The following CRTAC1 variants were observed in gnomAD, a reference collection of about 807,000 sequenced individuals.
The protein encoded by CRTAC1 is acidic secreted protein in cartilage.
A neutral mutation model predicts 67.8 loss-of-function variants in CRTAC1; 37 were observed. The observed-to-expected ratio is 0.55, with a 90% confidence interval of 0.42 to 0.72. CRTAC1 has a LOEUF of 0.72. Among genes scored for constraint, CRTAC1 ranks in the 30% least tolerant of loss-of-function variants. The pLI, the probability that CRTAC1 is intolerant of heterozygous loss-of-function variation, is 0.00. For synonymous variants in CRTAC1, 348 were observed against 371.0 expected (o/e 0.94, Z 0.71); for missense variants, 780 against 931.6 (o/e 0.84, Z 2.12).
Position 97,865,338 on chromosome 10 carries a change from C to T in CRTAC1, c.*210G>A, listed in dbSNP as rs1183966561. ...TGGAATGTAAGCGCCATCAGGGCAG[C>T]GACCCTGTCTGCTGTGATCACAGCT... is the stretch of plus-strand genomic sequence containing the variant. On this transcript the variant is annotated 3_prime_UTR_variant, in exon 15 of 15. Coordinates refer to ENST00000370597, the MANE Select transcript of CRTAC1 (RefSeq NM_018058.7). The T allele has an allele frequency of 1.6e-5, 8 of 505,102 alleles. No individual in the cohort carries two copies. Among genetic ancestry groups the T allele is most frequent in the African/African-American group, 3.8e-5 (2 of 52,266 alleles). 31.3% of individuals were successfully genotyped at this position (505,102 alleles called of 1,614,324 possible).
At chr10:97,908,285 G>T in intron 5 of CRTAC1, 138 bp from the exon 6 acceptor site, 1 of 838,148 alleles carries the variant, frequency 1.2e-6, no homozygotes, top group Non-Finnish European at 1.9e-6. Flanking sequence ...TGCTTCCCGT[G>T]CTTTCCTGAG....
intron 1 of CRTAC1, among the ~76,000 whole-genome samples, chr10:98,018,218 AAAAAAAAAAAAAAAGAG>A (rs1011823294): frequency 9.1e-5 from 13 of 142,272 alleles, no homozygotes; most frequent in South Asian, 8.8e-4. Context: ...AAAAAAAAAA[AAAAAAAAAAAAAAAGAG>A]AGAGAGAGAG....
chr10:97,937,169 G>A (rs143954867), intron 2 of CRTAC1, among the ~76,000 whole-genome samples: 4 of 152,240 alleles, frequency 2.6e-5, no homozygotes, highest in African/African-American at 4.8e-5. Context: ...ACTCTCCTGC[G>A]CCTGCAACTC....
At chr10:97,884,450 GAATTGAGCACTGTTCT>G in intron 11 of CRTAC1, 99 bp from the exon 12 acceptor site, 3 of 1,152,734 alleles carry the variant, frequency 2.6e-6, no homozygotes, top group Non-Finnish European at 3.7e-6. Flanking sequence ...ATAAAAGCAT[GAATTGAGCACTGTTCT>G]AAGTGCTAGG....
At chr10:97,957,835 G>A (rs1246521012) in intron 2 of CRTAC1, among the ~76,000 whole-genome samples, 4 of 152,154 alleles carry the variant, frequency 2.6e-5, no homozygotes, top group African/African-American at 9.7e-5. Flanking sequence ...ATGGGGAGTT[G>A]GGGGAGGAGA....
At chr10:97,983,955 A>C (rs544366472) in intron 2 of CRTAC1, among the ~76,000 whole-genome samples, 22 of 152,378 alleles carry the variant, frequency 1.4e-4, no homozygotes, top group African/African-American at 4.8e-4. Flanking sequence ...AGAAGCAAGG[A>C]AACATGATGC....
At chr10:97,901,450 C>G in intron 8 of CRTAC1, 53 bp downstream of exon 8, 2 of 1,611,482 alleles carry the variant, frequency 1.2e-6, no homozygotes, top group Non-Finnish European at 1.7e-6. Context: ...CCTGACCGTT[C>G]CTCCCACCAG....
At chr10:97,941,994 C>A (rs2051184306) in intron 2 of CRTAC1, among the ~76,000 whole-genome samples, 1 of 152,184 alleles carries the variant, frequency 6.6e-6, no homozygotes, top group South Asian at 2.1e-4. Flanking sequence ...TGCTTCCCAA[C>A]CCAGCACTCT....
intron 2 of CRTAC1, among the ~76,000 whole-genome samples, chr10:97,953,919 C>T (rs114200769): frequency 1.3e-3 from 191 of 152,242 alleles, no homozygotes; most frequent in South Asian, 4.1e-3. Flanking sequence ...TGATACTCCT[C>T]GGCAGGTGTG....
At chr10:97,980,854 G>A (rs148507113) in intron 2 of CRTAC1, among the ~76,000 whole-genome samples, 2 of 152,300 alleles carry the variant, frequency 1.3e-5, no homozygotes, top group East Asian at 3.9e-4. Flanking sequence ...TGCTATTCTT[G>A]GATGGAGAGC....
chr10:97,954,547 G>A (rs1385494997), intron 2 of CRTAC1, among the ~76,000 whole-genome samples: 1 of 152,218 alleles, frequency 6.6e-6, no homozygotes, highest in African/African-American at 2.4e-5. Flanking sequence ...ATGCAGGAAT[G>A]AGGAGGACAC....
intron 2 of CRTAC1, among the ~76,000 whole-genome samples, chr10:97,938,590 T>C (rs1417365290): frequency 6.6e-6 from 1 of 152,194 alleles, no homozygotes; most frequent in Non-Finnish European, 1.5e-5. Context: ...ATGCCAGCAC[T>C]CTCAGGCCTG....
chr10:97,927,582 C>T (rs931186662), intron 3 of CRTAC1, among the ~76,000 whole-genome samples: 6 of 152,210 alleles, frequency 3.9e-5, no homozygotes, highest in Non-Finnish European at 7.3e-5. Context: ...CTGTTGGCCT[C>T]TCCCCCTCTT....
At chr10:97,878,990 T>C (rs2050178161) in intron 14 of CRTAC1, among the ~76,000 whole-genome samples, 1 of 152,196 alleles carries the variant, frequency 6.6e-6, no homozygotes, top group South Asian at 2.1e-4. Flanking sequence ...ACCTGCTTTG[T>C]GTTATGATCT....
intron 2 of CRTAC1, among the ~76,000 whole-genome samples, chr10:97,972,515 A>G (rs189546470): frequency 2.0e-5 from 3 of 152,320 alleles, no homozygotes; most frequent in African/African-American, 7.2e-5. Context: ...AGAAAGTTAA[A>G]CCTGTACTCG....
rs544164564 is a variant in CRTAC1 at position 98,005,944 on chromosome 10, T to A, written c.224+5194A>T. On this transcript the variant is annotated intron_variant, in intron 2 of 14. Transcript: ENST00000370597. ...AAACACTGCTTTACAGTATATAGCA[T>A]CCCTTTAAATGAAACCCTTCCAAGT... is the stretch of plus-strand genomic sequence containing the variant. Among the ~76,000 whole-genome samples the A allele has an allele frequency of 5.3e-5, 8 of 152,342 alleles. No individual in the cohort carries two copies. The East Asian group carries it at 1.2e-3, about 22-fold the overall frequency.
intron 2 of CRTAC1, 31 bp from the exon 3 acceptor site, chr10:97,936,397 G>A: frequency 6.4e-7 from 1 of 1,574,364 alleles, no homozygotes; most frequent in South Asian, 1.1e-5. Flanking sequence ...GGATGCTGGG[G>A]AGGAGCCGCT....
intron 2 of CRTAC1, among the ~76,000 whole-genome samples, chr10:97,981,130 C>T (rs1048224614): frequency 3.9e-5 from 6 of 152,170 alleles, no homozygotes; most frequent in African/African-American, 1.4e-4. Context: ...TGTTCTCATC[C>T]TGAAGATCTG....
chr10:97,882,131 T>C (rs2050222997), intron 13 of CRTAC1, among the ~76,000 whole-genome samples: 2 of 152,210 alleles, frequency 1.3e-5, no homozygotes, highest in Non-Finnish European at 2.9e-5. Context: ...GAATGCTGGA[T>C]GAGGGTTCAA....
Sources: allele counts gnomAD v4.1 joint callset (sites outside exome capture counted in the v4.1 genomes callset), GRCh38; gene constraint gnomAD v4.1.1; transcripts MANE v1.5; gene names NCBI Gene and HGNC (gene_info 2026-07-23, HGNC 2026-07-21).